Variants in SLIT3 observed in about 807,000 individuals in gnomAD.
SLIT3 encodes slit homolog 3 protein.
Under a neutral mutation model 184.0 loss-of-function variants are expected in SLIT3, and 68 were observed. The ratio of observed to expected loss-of-function variants is 0.37; its 90% CI spans 0.30 to 0.45. SLIT3 has a LOEUF of 0.45. Ranked by LOEUF, SLIT3 falls within the 20% of genes least tolerant of loss-of-function variation. The probability of loss-of-function intolerance (pLI) is 1.00; values close to 1 mark genes in which losing one functional copy is unlikely to be tolerated. For missense variants in SLIT3, 1,707 were observed against 2,026.0 expected, an observed-to-expected ratio of 0.84 and a Z score of 3.02; for synonymous variants, 831 against 828.6, an observed-to-expected ratio of 1.00 and a Z score of -0.05.
At chr5:169,235,500 A>T (rs1447714916) in intron 3 of SLIT3, among the ~76,000 whole-genome samples, 1 of 152,238 alleles carries the variant, frequency 6.6e-6, no homozygotes, top group Non-Finnish European at 1.5e-5. Flanking sequence ...ATCTTATATA[A>T]TACAGTTGTC....
intron 25 of SLIT3, chr5:168,708,488 C>T (rs779349167): frequency 1.1e-5 from 3 of 285,670 alleles, no homozygotes; most frequent in South Asian, 3.8e-5. Context: ...TACCCACAAA[C>T]ACCCCTCCCC....
intron 9 of SLIT3, among the ~76,000 whole-genome samples, chr5:168,801,303 TG>T (rs1214691781): frequency 6.6e-6 from 1 of 152,194 alleles, no homozygotes; most frequent in Non-Finnish European, 1.5e-5. Context: ...TTTGCTGGTT[TG>T]TTTTGTTGTG....
At chr5:168,838,989 C>T (rs189772865) in intron 6 of SLIT3, among the ~76,000 whole-genome samples, 2 of 152,236 alleles carry the variant, frequency 1.3e-5, no homozygotes, top group East Asian at 1.9e-4. Context: ...GTGATGAAGA[C>T]GTGGAGCTAG....
chr5:169,025,298 G>T (rs1174544613), intron 4 of SLIT3, among the ~76,000 whole-genome samples: 1 of 152,154 alleles, frequency 6.6e-6, no homozygotes, highest in African/African-American at 2.4e-5. Context: ...AATAGAAAAG[G>T]TAACTTAGAC....
At chr5:168,892,418 A>G (rs966224174) in intron 4 of SLIT3, among the ~76,000 whole-genome samples, 3 of 152,232 alleles carry the variant, frequency 2.0e-5, no homozygotes, top group Non-Finnish European at 2.9e-5. Flanking sequence ...TGCTGTAGCT[A>G]CGCAGCATCT....
intron 4 of SLIT3, among the ~76,000 whole-genome samples, chr5:169,188,332 G>C (rs1763429718): frequency 6.6e-6 from 1 of 152,170 alleles, no homozygotes; most frequent in African/African-American, 2.4e-5. Context: ...ATATTAACCA[G>C]TCAGCCTTTA....
intron 4 of SLIT3, among the ~76,000 whole-genome samples, chr5:169,182,125 G>GA (rs1763179745): frequency 6.6e-6 from 1 of 152,144 alleles, no homozygotes; most frequent in Non-Finnish European, 1.5e-5. Context: ...CAAGGGGCGG[G>GA]CGGGCCACAC....
intron 4 of SLIT3, among the ~76,000 whole-genome samples, chr5:169,052,410 T>C (rs1467904410): frequency 6.6e-6 from 1 of 152,110 alleles, no homozygotes; most frequent in African/African-American, 2.4e-5. Context: ...TTAGGAGATA[T>C]TTGTGGCAAG....
intron 4 of SLIT3, among the ~76,000 whole-genome samples, chr5:169,176,940 A>C (rs1763005883): frequency 6.6e-6 from 1 of 152,190 alleles, no homozygotes; most frequent in South Asian, 2.1e-4. Flanking sequence ...AGAGCCCATG[A>C]AAGCCACTGA....
chr5:168,748,526 A>G, intron 19 of SLIT3, 92 bp from the exon 20 acceptor site: 3 of 1,283,990 alleles, frequency 2.3e-6, no homozygotes, highest in Non-Finnish European at 1.0e-6. Flanking sequence ...CCACAAAGAC[A>G]AGTTGTCCCC....
At chr5:169,052,600 T>C (rs1027707545) in intron 4 of SLIT3, among the ~76,000 whole-genome samples, 1 of 152,174 alleles carries the variant, frequency 6.6e-6, no homozygotes, top group Non-Finnish European at 1.5e-5. Context: ...TCAAAAAGAA[T>C]ATGGAGTGTG....
At chr5:169,180,640 C>T (rs1022505565) in intron 4 of SLIT3, among the ~76,000 whole-genome samples, 2 of 152,166 alleles carry the variant, frequency 1.3e-5, no homozygotes, top group Non-Finnish European at 2.9e-5. Flanking sequence ...CTCACATCAA[C>T]AGCTCTCTAC....
chr5:169,242,569 C>T (rs1166358484), intron 3 of SLIT3, among the ~76,000 whole-genome samples: 1 of 152,008 alleles, frequency 6.6e-6, no homozygotes, highest in Non-Finnish European at 1.5e-5. Context: ...CCTTGGAAGC[C>T]AAGATTTAAG....
Position 168,923,392 on chromosome 5 carries a change from C to G in SLIT3, c.414-40056G>C, listed in dbSNP as rs142163427. ...TCACCTCCACTGGCAGCATCCTCCC[C>G]CAAGCTACCATCCCTTCAACTGGGC... On this transcript the variant is annotated intron_variant, in intron 4 of 35. Coordinates refer to ENST00000519560, the MANE Select transcript of SLIT3 (RefSeq NM_003062.4). Among the ~76,000 whole-genome samples the G allele has an allele frequency of 4.2e-3, 637 of 152,268 alleles. 2 individuals are homozygous for G. Among genetic ancestry groups the G allele is most frequent in the African/African-American group, 0.015 (609 of 41,568 alleles).
At position 168,897,589 on chromosome 5, in the gene SLIT3, C is replaced by T. The variant is rs545584611; in HGVS notation, c.414-14253G>A. Among the ~76,000 whole-genome samples, 17 of 147,202 alleles carry T rather than the reference C, an allele frequency of 1.2e-4. No individual in the cohort carries two copies. In the South Asian group the frequency reaches 2.4e-3, roughly 21 times the overall value. The stretch of plus-strand genomic sequence containing the variant: ...CAGAAGAGACCGTGAAAGGAAGAGA[C>T]ACACAGAGAAAGATACGGATGTGAG... On this transcript the variant is annotated intron_variant, in intron 4 of 35. Coordinates refer to ENST00000519560, the MANE Select transcript of SLIT3 (RefSeq NM_003062.4).
chr5:169,207,414 CA>C (rs1311304844), intron 3 of SLIT3, among the ~76,000 whole-genome samples: 3 of 148,038 alleles, frequency 2.0e-5, no homozygotes, highest in Non-Finnish European at 3.0e-5. Flanking sequence ...CACACACACA[CA>C]CGGCACCAAG....
chr5:168,741,478 C>CAAAAAAAAAAAAAAAAAAAAA, intron 20 of SLIT3, among the ~76,000 whole-genome samples: 1 of 81,624 alleles, frequency 1.2e-5, no homozygotes, highest in Non-Finnish European at 2.2e-5. Context: ...GACTCGGTCT[C>CAAAAAAAAAAAAAAAAAAAAA]AAAAAAAAAA....
chr5:169,246,149 AG>A (rs1262599338), intron 2 of SLIT3, among the ~76,000 whole-genome samples: 1 of 152,178 alleles, frequency 6.6e-6, no homozygotes, highest in Non-Finnish European at 1.5e-5. Context: ...ACCCCGCAAA[AG>A]AAACTCCTTT....
In SLIT3 at chr5:168,772,619, C is replaced by A. The variant is rs4867902; in HGVS notation, c.1459+162G>T. 137 of 653,332 alleles carry A rather than the reference C, an allele frequency of 2.1e-4. 1 individual carries two copies. In the Admixed American group the frequency reaches 3.8e-3, roughly 18 times the overall value. 40.5% of individuals were successfully genotyped at this position (653,332 alleles called of 1,614,324 possible). A position where few individuals can be genotyped will look rare whatever the true frequency, so the allele number is the denominator to read the frequency against. ...GTTTTATTTTAAATCCATAAGGTAA[C>A]TGGTTTTCTGCAGGGCTAACTGAAT... On this transcript the variant is annotated intron_variant, in intron 14 of 35. Coordinates refer to ENST00000519560, the MANE Select transcript of SLIT3 (RefSeq NM_003062.4).
Sources: allele counts gnomAD v4.1 joint callset (sites outside exome capture counted in the v4.1 genomes callset), GRCh38; gene constraint gnomAD v4.1.1; transcripts MANE v1.5; gene names NCBI Gene and HGNC (gene_info 2026-07-23, HGNC 2026-07-21).